The following EEFSEC variants were observed in gnomAD, a reference collection of about 807,000 sequenced individuals.
EEFSEC encodes the protein selenocysteine-specific elongation factor.
EEFSEC carries 43 observed loss-of-function variants against 42.1 expected under a neutral mutation model. The observed-to-expected ratio is 1.02, with a 90% confidence interval of 0.80 to 1.32. The LOEUF (loss-of-function observed/expected upper bound fraction) is 1.32. Ranked by LOEUF, EEFSEC falls within the 40% of genes most tolerant of loss-of-function variation. The pLI, the probability that EEFSEC is intolerant of heterozygous loss-of-function variation, is 0.00. For synonymous variants in EEFSEC, 354 were observed against 339.1 expected, an observed-to-expected ratio of 1.04 and a Z score of -0.48; for missense variants, 745 against 803.6, an observed-to-expected ratio of 0.93 and a Z score of 0.88.
intron 2 of EEFSEC, among the ~76,000 whole-genome samples, chr3:128,260,844 C>T (rs947205321): frequency 2.6e-5 from 4 of 152,102 alleles, no homozygotes; most frequent in Non-Finnish European, 5.9e-5. Context: ...ATCATTTTTG[C>T]CAGTGTTCTT....
chr3:128,381,103 G>A (rs576084864), intron 6 of EEFSEC, among the ~76,000 whole-genome samples: 9 of 152,192 alleles, frequency 5.9e-5, no homozygotes, highest in Admixed American at 1.3e-4. Context: ...CTTGCTATGG[G>A]GTGAAGGGAA....
chr3:128,393,144 T>G (rs1576698451), intron 6 of EEFSEC, among the ~76,000 whole-genome samples: 1 of 152,224 alleles, frequency 6.6e-6, no homozygotes, highest in East Asian at 1.9e-4. Context: ...TCCAGAGCCC[T>G]CTGTGGGGCC....
At chr3:128,364,982 G>C (rs2067572025) in intron 6 of EEFSEC, among the ~76,000 whole-genome samples, 1 of 152,232 alleles carries the variant, frequency 6.6e-6, no homozygotes, top group African/African-American at 2.4e-5. Flanking sequence ...CAGCATACCT[G>C]CTGCTGAGGG....
intron 5 of EEFSEC, among the ~76,000 whole-genome samples, chr3:128,346,507 T>C (rs1023808821): frequency 3.9e-4 from 60 of 152,206 alleles, no homozygotes; most frequent in African/African-American, 1.4e-3. Flanking sequence ...TTAACACAAC[T>C]AATAACAAAC....
intron 1 of EEFSEC, among the ~76,000 whole-genome samples, chr3:128,185,641 A>C (rs2065458046): frequency 6.6e-6 from 1 of 152,124 alleles, no homozygotes; most frequent in Non-Finnish European, 1.5e-5. Context: ...AGCTCACTGC[A>C]GCCTTGAACT....
chr3:128,324,240 C>T (rs1319464436), intron 4 of EEFSEC, among the ~76,000 whole-genome samples: 1 of 151,080 alleles, frequency 6.6e-6, no homozygotes, highest in South Asian at 2.1e-4. Flanking sequence ...TATGTTAAAA[C>T]AAACATGAAT....
chr3:128,246,741 CTT>C, intron 1 of EEFSEC, 93 bp from the exon 2 acceptor site: 1 of 1,342,170 alleles, frequency 7.5e-7, no homozygotes, highest in Admixed American at 1.7e-5. Context: ...ACTTTGCTCA[CTT>C]TTACTGCAGT....
At chr3:128,375,779 G>C (rs1428138755) in intron 6 of EEFSEC, among the ~76,000 whole-genome samples, 3 of 152,220 alleles carry the variant, frequency 2.0e-5, no homozygotes, top group Non-Finnish European at 4.4e-5. Context: ...TTCCACGACT[G>C]GGCTGGGAGG....
At chr3:128,384,731 A>G (rs1238657448) in intron 6 of EEFSEC, among the ~76,000 whole-genome samples, 1 of 152,132 alleles carries the variant, frequency 6.6e-6, no homozygotes, top group Non-Finnish European at 1.5e-5. Context: ...CAGAGCTTTA[A>G]CTTCATTCAG....
intron 5 of EEFSEC, among the ~76,000 whole-genome samples, chr3:128,352,469 G>C (rs1331880988): frequency 6.6e-6 from 1 of 152,200 alleles, no homozygotes; most frequent in Non-Finnish European, 1.5e-5. Flanking sequence ...TGAGGCTGGC[G>C]TAGACAAGCC....
intron 6 of EEFSEC, among the ~76,000 whole-genome samples, chr3:128,399,113 A>T (rs955563773): frequency 4.8e-4 from 73 of 150,642 alleles, no homozygotes; most frequent in African/African-American, 1.5e-3. Context: ...TAAAATAAAA[A>T]AAAACCCTTC....
intron 4 of EEFSEC, among the ~76,000 whole-genome samples, chr3:128,301,367 G>C (rs189887140): frequency 6.6e-6 from 1 of 152,194 alleles, no homozygotes; most frequent in Non-Finnish European, 1.5e-5. Flanking sequence ...CACTTCCCCT[G>C]TGAAGCCTGA....
intron 4 of EEFSEC, among the ~76,000 whole-genome samples, chr3:128,295,104 G>T (rs887282454): frequency 6.6e-6 from 1 of 152,176 alleles, no homozygotes; most frequent in Admixed American, 6.5e-5. Context: ...TGTTTCATTT[G>T]GTCATCCAGG....
At chr3:128,201,924 A>G (rs907832863) in intron 1 of EEFSEC, among the ~76,000 whole-genome samples, 3 of 152,174 alleles carry the variant, frequency 2.0e-5, no homozygotes, top group Admixed American at 6.5e-5. Context: ...CCGTATGGCT[A>G]TTCATTTATT....
intron 1 of EEFSEC, among the ~76,000 whole-genome samples, chr3:128,243,033 AAAG>A (rs1287465422): frequency 6.6e-6 from 1 of 152,216 alleles, no homozygotes; most frequent in African/African-American, 2.4e-5. Context: ...CGTCTGATCA[AAAG>A]TTTGATGAAG....
the EEFSEC span, among the ~76,000 whole-genome samples, chr3:128,421,078 A>ATTTCTGT: frequency 6.6e-6 from 1 of 152,108 alleles, no homozygotes; most frequent in Non-Finnish European, 1.5e-5. Context: ...CCAGCGTGGC[A>ATTTCTGT]GGCTTTGTCC....
intron 1 of EEFSEC, among the ~76,000 whole-genome samples, chr3:128,188,728 G>A (rs1202661225): frequency 6.6e-6 from 1 of 152,250 alleles, no homozygotes; most frequent in East Asian, 1.9e-4. Flanking sequence ...CTCTTTGCCG[G>A]GGCTGCCTCA....
intron 3 of EEFSEC, among the ~76,000 whole-genome samples, chr3:128,264,303 C>T (rs1273051743): frequency 6.6e-6 from 1 of 152,176 alleles, no homozygotes; most frequent in African/African-American, 2.4e-5. Flanking sequence ...AGTGGCTACT[C>T]TCCTGCAGCA....
rs116252423 is a variant in EEFSEC at position 128,161,912 on chromosome 3, A to G, written c.316+8089A>G. Among the ~76,000 whole-genome samples the G allele has an allele frequency of 4.6e-3, 694 of 152,340 alleles. 4 individuals are homozygous for G. The highest frequency in any genetic ancestry group is 0.015 in the African/African-American group (613 of 41,592). ...GCAGCCTGCTCCAGGCAGAAATAAC[A>G]TACTGGGGGCTTGACCAGGTAGGCC... On this transcript the variant is annotated intron_variant, in intron 1 of 6. Transcript: ENST00000254730.
Sources: allele counts gnomAD v4.1 joint callset (sites outside exome capture counted in the v4.1 genomes callset), GRCh38; gene constraint gnomAD v4.1.1; transcripts MANE v1.5; gene names NCBI Gene and HGNC (gene_info 2026-07-23, HGNC 2026-07-21).